DSE: variants seen among roughly 807,000 people sequenced by gnomAD.
DSE encodes dermatan-sulfate epimerase.
DSE carries 36 observed loss-of-function variants against 84.4 expected under a neutral mutation model. The ratio of observed to expected loss-of-function variants is 0.43; its 90% confidence interval spans 0.33 to 0.56. The LOEUF is 0.56. DSE is among the 20% of genes least tolerant of loss of function. The probability of loss-of-function intolerance (pLI) is 0.06; values close to 1 mark genes in which losing one functional copy is unlikely to be tolerated. For missense variants in DSE, 862 were observed against 1,169.6 expected (o/e 0.74, Z 3.84); for synonymous variants, 410 against 430.1 (o/e 0.95, Z 0.58).
chr6:116,369,056 C>T (rs74718539), upstream of DSE, among the ~76,000 whole-genome samples: 7 of 152,236 alleles, frequency 4.6e-5, no homozygotes, highest in East Asian at 1.2e-3. Flanking sequence ...GTCAGTACTA[C>T]CTCCTTTGAA....
chr6:116,436,107 C>T lies in DSE; in HGVS notation c.1639C>T (p.Pro547Ser), dbSNP rs758776679. The change falls in exon 6 of 6, where the codon CCC (proline) becomes TCC (serine). Residue 547 changes from proline to serine, a missense_variant. By Grantham distance (74) the Pro-to-Ser change is moderately conservative. Transcript: ENST00000644252. Reference sequence around the variant, plus strand: ...AGGAGAAGGTGTGGGAGCTTATAACCCCCAGCTCAACCTGAAGAATGTTCA... The same window carrying T: ...AGGAGAAGGTGTGGGAGCTTATAACTCCCAGCTCAACCTGAAGAATGTTCA... ...IRGEGVGAYN[P>S]QLNLKNVQRN... 1.1e-5 allele frequency: 18 copies of T among 1,612,830 alleles called. No individual in the cohort carries two copies. In the Admixed American group the frequency reaches 3.0e-4, roughly 27 times the overall value.
chr6:116,281,025 G>T (rs1475874520), intron 2 of DSE, among the ~76,000 whole-genome samples: 1 of 152,220 alleles, frequency 6.6e-6, no homozygotes, highest in Non-Finnish European at 1.5e-5. Context: ...TTAAGTTAAA[G>T]ATTTGGAGAT....
intron 2 of DSE, among the ~76,000 whole-genome samples, chr6:116,421,521 C>T (rs1268457723): frequency 7.9e-6 from 1 of 125,984 alleles, no homozygotes; most frequent in Non-Finnish European, 1.6e-5. Context: ...GTCACCCAGC[C>T]TGGAGTGCAG....
Position 116,439,270 on chromosome 6 carries a change from G to C in DSE, c.*1925G>C, listed in dbSNP as rs1562318669. The C allele has an allele frequency of 6.6e-6, 1 of 152,176 alleles. No individual in the cohort carries two copies. Among genetic ancestry groups the C allele is most frequent in the Non-Finnish European group, 1.5e-5 (1 of 68,006 alleles). The allele number at this position is 152,176 out of a possible 1,614,324, so 9.4% of individuals were successfully genotyped here. ...ACATACTTTCTAACAGAGATGAAAA[G>C]TGCAAGTGAGTGCCAAACTCGCTTT... On this transcript the variant is annotated 3_prime_UTR_variant, in exon 6 of 6. Coordinates refer to ENST00000644252, the MANE Select transcript of DSE (RefSeq NM_013352.4).
At chr6:116,393,922 T>C (rs1781071563) in intron 1 of DSE, among the ~76,000 whole-genome samples, 3 of 152,238 alleles carry the variant, frequency 2.0e-5, no homozygotes, top group African/African-American at 7.2e-5. Flanking sequence ...CCCAAATCTT[T>C]TTTGAAACTT....
chr6:116,384,723 T>C (rs141886659), intron 1 of DSE, among the ~76,000 whole-genome samples: 61 of 152,342 alleles, frequency 4.0e-4, no homozygotes, highest in African/African-American at 1.3e-3. Context: ...CTTGACGCAG[T>C]TAAATTTATC....
intron 1 of DSE, chr6:116,375,481 G>A: frequency 3.1e-6 from 3 of 970,534 alleles, no homozygotes; most frequent in Non-Finnish European, 3.7e-6. Context: ...TCCAGCCTGG[G>A]CGACAGAGCA....
chr6:116,299,539 T>C (rs1409716039), intron 2 of DSE, among the ~76,000 whole-genome samples: 12 of 23,576 alleles, frequency 5.1e-4, no homozygotes, highest in African/African-American at 2.3e-3. Flanking sequence ...TATATATATA[T>C]ATATATATAT....
chr6:116,437,289 A>G lies in DSE; in HGVS notation c.2821A>G (p.Ile941Val), dbSNP rs761910676. 2.6e-5 allele frequency: 42 copies of G among 1,613,858 alleles called. No individual in the cohort carries two copies. In the Middle Eastern group the frequency reaches 1.6e-3, roughly 63 times the overall value. The change falls in exon 6 of 6, where the codon ATA becomes GTA. Residue 941 changes from isoleucine to valine, a missense_variant. Physicochemically the swap from Ile to Val is conservative, Grantham distance 29. This residue lies in a region of DSE where 315 missense variants were observed against 348.1 expected (regional missense o/e 0.90). Coordinates refer to ENST00000644252, the MANE Select transcript of DSE (RefSeq NM_013352.4). ...GQRCLYAVLL[I>V]DSCILLWLYS... ...AAGATGTCTTTATGCAGTTCTTCTC[A>G]TAGATAGCTGTATTTTATTATGGTT...
intron 2 of DSE, among the ~76,000 whole-genome samples, chr6:116,330,786 C>T (rs1006070409): frequency 6.6e-6 from 1 of 152,078 alleles, no homozygotes; most frequent in African/African-American, 2.4e-5. Flanking sequence ...AAGATGTTCT[C>T]CAACCTAGCT....
intron 2 of DSE, among the ~76,000 whole-genome samples, chr6:116,301,995 A>G (rs1775070204): frequency 6.6e-6 from 1 of 152,170 alleles, no homozygotes; most frequent in African/African-American, 2.4e-5. Flanking sequence ...ATATTATTCC[A>G]TGATGTATAT....
intron 2 of DSE, among the ~76,000 whole-genome samples, chr6:116,336,385 G>A (rs1406156457): frequency 6.6e-6 from 1 of 152,194 alleles, no homozygotes; most frequent in Non-Finnish European, 1.5e-5. Context: ...AGATAAGGCA[G>A]TATTATTTAA....
At chr6:116,341,049 T>A (rs1050630855) in intron 2 of DSE, among the ~76,000 whole-genome samples, 1 of 152,222 alleles carries the variant, frequency 6.6e-6, no homozygotes, top group African/African-American at 2.4e-5. Flanking sequence ...TTCTAGATCC[T>A]TGAGGAATCA....
At chr6:116,401,568 G>T (rs1267712507) in intron 2 of DSE, among the ~76,000 whole-genome samples, 1 of 151,998 alleles carries the variant, frequency 6.6e-6, no homozygotes, top group Non-Finnish European at 1.5e-5. Flanking sequence ...ATTTTGTTTT[G>T]GCAGGTACTA....
intron 2 of DSE, among the ~76,000 whole-genome samples, chr6:116,312,578 T>G (rs915448298): frequency 1.3e-5 from 2 of 152,146 alleles, no homozygotes; most frequent in Admixed American, 1.3e-4. Context: ...AAGAAGAAAT[T>G]AATGGTTACC....
intron 2 of DSE, among the ~76,000 whole-genome samples, chr6:116,301,338 A>T (rs1350126780): frequency 6.6e-6 from 1 of 152,202 alleles, no homozygotes; most frequent in Non-Finnish European, 1.5e-5. Context: ...GGACTTCCTG[A>T]AAGCCTTGGC....
In DSE at chr6:116,431,016, G is replaced by A. The variant is rs746170827; in HGVS notation, c.733G>A (p.Val245Ile). The change falls in exon 4 of 6, where the codon GTC becomes ATC. Residue 245 changes from valine (V) to isoleucine (I), a missense_variant. Val to Ile is a conservative substitution (Grantham distance 29, BLOSUM62 3). Coordinates refer to ENST00000644252, the MANE Select transcript of DSE (RefSeq NM_013352.4). ...QVLTIMEKSL[V>I]LLREVTDGSL... ...TCTGACCATCATGGAGAAATCTCTG[G>A]TCTTGCTCAGGGAGGTGACGGATGG... The A allele has an allele frequency of 6.2e-7, 1 of 1,614,106 alleles. No individual in the cohort carries two copies. Among genetic ancestry groups the A allele is most frequent in the Non-Finnish European group, 8.5e-7 (1 of 1,180,036 alleles).
At chr6:116,318,521 A>AAGGT (rs111345788) in intron 2 of DSE, among the ~76,000 whole-genome samples, 146,800 of 151,036 alleles carry the variant, frequency 0.97, 71,483 homozygotes, top group East Asian at 1. Context: ...AAAAAAAAGA[A>AAGGT]AGAGAAGAAG....
At chr6:116,278,571 G>C (rs764951902) in intron 2 of DSE, 2 of 1,614,152 alleles carry the variant, frequency 1.2e-6, no homozygotes, top group Admixed American at 3.3e-5. Flanking sequence ...CCCTTAGCGG[G>C]CGACGTCGGG....
Sources: allele counts gnomAD v4.1 joint callset (sites outside exome capture counted in the v4.1 genomes callset), GRCh38; gene constraint gnomAD v4.1.1; regional missense constraint gnomAD v4.1.1; transcripts MANE v1.5; gene names NCBI Gene and HGNC (gene_info 2026-07-23, HGNC 2026-07-21).